Variants in LMBR1 observed in about 807,000 individuals in gnomAD.
The protein encoded by LMBR1 is limb region 1 protein homolog.
LMBR1 carries 52 observed loss-of-function variants against 73.9 expected under a neutral mutation model. The ratio of observed to expected loss-of-function variants is 0.70; its 90% CI spans 0.56 to 0.89. LMBR1 has a LOEUF of 0.89. Among genes scored for constraint, LMBR1 ranks in the 40% least tolerant of loss-of-function variants. The pLI, the probability that LMBR1 is intolerant of heterozygous loss-of-function variation, is 0.00. For missense variants in LMBR1, 539 were observed against 579.8 expected (o/e 0.93, Z 0.72); for synonymous variants, 215 against 209.4 (o/e 1.03, Z -0.23).
At chr7:156,703,631 A>G (rs1472315070) in intron 15 of LMBR1, among the ~76,000 whole-genome samples, 1 of 152,112 alleles carries the variant, frequency 6.6e-6, no homozygotes, top group Non-Finnish European at 1.5e-5. Flanking sequence ...CTAGGCTGAG[A>G]CCCTGGCATA....
intron 3 of LMBR1, among the ~76,000 whole-genome samples, chr7:156,831,847 C>G (rs1836755125): frequency 6.6e-6 from 1 of 152,212 alleles, no homozygotes; most frequent in South Asian, 2.1e-4. Context: ...CGATTTACCA[C>G]CACAGGTGGC....
rs530994765 is a variant in LMBR1, at chr7:156,843,673, C to T, written c.67-6788G>A. On this transcript the variant is annotated intron_variant, in intron 1 of 16. Transcript: ENST00000353442. ...CCAGCCTGGCCAACATGACGAAACC[C>T]GGAAACACAAAAATTAGCCAGGTGT... is the stretch of plus-strand genomic sequence containing the variant. 5.3e-5 allele frequency among the ~76,000 whole-genome samples: 8 copies of T among 151,424 alleles called. No individual in the cohort carries two copies. The South Asian group carries it at 8.4e-4, about 16-fold the overall frequency.
chr7:156,745,576 G>C (rs1386598418), intron 9 of LMBR1, among the ~76,000 whole-genome samples: 1 of 152,190 alleles, frequency 6.6e-6, no homozygotes, highest in Non-Finnish European at 1.5e-5. Context: ...CAAAGGGAGA[G>C]ACTGAAAGGA....
chr7:156,715,249 G>GCCACCACACA (rs1444669056), intron 15 of LMBR1, among the ~76,000 whole-genome samples: 2 of 151,866 alleles, frequency 1.3e-5, no homozygotes, highest in African/African-American at 4.8e-5. Flanking sequence ...ACCACACCCA[G>GCCACCACACA]CCAAAAAATA....
rs1376329544 is a variant in LMBR1 at position 156,697,740 on chromosome 7, C to G, written c.1226-9549G>C. Among the ~76,000 whole-genome samples, 6 of 152,100 alleles carry G rather than the reference C, an allele frequency of 3.9e-5. No homozygotes were observed. In the East Asian group the frequency reaches 1.2e-3, roughly 29 times the overall value. ...CCCTAAAAATCACTGTTATTCTATTCTTTTTCAAGGTGCACTGATTTCATA... is the reference window on the plus strand; with the variant it reads ...CCCTAAAAATCACTGTTATTCTATTGTTTTTCAAGGTGCACTGATTTCATA... On this transcript the variant is annotated intron_variant, in intron 15 of 16. Transcript: ENST00000353442.
intron 15 of LMBR1, among the ~76,000 whole-genome samples, chr7:156,717,315 G>C (rs2132271991): frequency 6.6e-6 from 1 of 152,292 alleles, no homozygotes; most frequent in African/African-American, 2.4e-5. Flanking sequence ...AGAAATGACA[G>C]GTTCTGTTTT....
At chr7:156,840,341 A>G (rs2133960866) in intron 1 of LMBR1, among the ~76,000 whole-genome samples, 1 of 152,246 alleles carries the variant, frequency 6.6e-6, no homozygotes, top group East Asian at 1.9e-4. Context: ...TCTCACTAAT[A>G]AGGTGACATC....
rs2131636895 is a variant in LMBR1 at position 156,670,528 on chromosome 7, A to G, written n.867-1241T>C. Reference sequence around the variant, plus strand: ...GATCTGAAGAAGATACAAGCCACAGATTTAAGAAGCCCAAGGAAGCCCAAT... The same window carrying G: ...GATCTGAAGAAGATACAAGCCACAGGTTTAAGAAGCCCAAGGAAGCCCAAT... On this transcript the variant is annotated intron_variant and non_coding_transcript_variant, in intron 4 of 4. Coordinates refer to the LMBR1 transcript ENST00000430825. The surrounding 1 kb of genome is among the most constrained non-coding windows in gnomAD (Gnocchi z 4.3). Among the ~76,000 whole-genome samples the G allele has an allele frequency of 6.6e-6, 1 of 152,366 alleles. No homozygotes were observed.
At chr7:156,799,818 C>T (rs1830636490) in intron 4 of LMBR1, among the ~76,000 whole-genome samples, 1 of 152,226 alleles carries the variant, frequency 6.6e-6, no homozygotes. Flanking sequence ...TAAAGTGCTA[C>T]TCCAGTGAAC....
chr7:156,676,332 G>A, downstream of LMBR1: 3 of 1,613,058 alleles, frequency 1.9e-6, no homozygotes, highest in Non-Finnish European at 8.5e-7. Flanking sequence ...CCATGTCTCG[G>A]GGCACATGGT....
intron 1 of LMBR1, among the ~76,000 whole-genome samples, chr7:156,848,805 C>T (rs907538294): frequency 2.6e-5 from 4 of 151,830 alleles, no homozygotes; most frequent in African/African-American, 7.3e-5. Flanking sequence ...GTGGCAGGAG[C>T]CTGTGGTCCC....
At chr7:156,740,822 G>A (rs1818744831) in intron 9 of LMBR1, among the ~76,000 whole-genome samples, 1 of 152,138 alleles carries the variant, frequency 6.6e-6, no homozygotes, top group African/African-American at 2.4e-5. Flanking sequence ...AAACTCACTG[G>A]TAATATAAGT....
chr7:156,675,044 C>A (rs1471345255), downstream of LMBR1, among the ~76,000 whole-genome samples: 1 of 152,166 alleles, frequency 6.6e-6, no homozygotes, highest in South Asian at 2.1e-4. Flanking sequence ...GAAAATTACA[C>A]GGATTTACTT....
At chr7:156,715,645 C>T (rs749234970) in intron 15 of LMBR1, among the ~76,000 whole-genome samples, 1 of 152,172 alleles carries the variant, frequency 6.6e-6, no homozygotes, top group African/African-American at 2.4e-5. Flanking sequence ...TCCCATTCCT[C>T]CTCACCCTAG....
At position 156,806,373 on chromosome 7, in the gene LMBR1, A is replaced by G. The variant is rs1038659298; in HGVS notation, c.320-9881T>C. ...ACTTACTGGTTCCAATAGCTTTTTT[A>G]TAACAGATCCCATCAGAATTTCCGC... On this transcript the variant is annotated intron_variant, in intron 4 of 16. Coordinates refer to ENST00000353442, the MANE Select transcript of LMBR1 (RefSeq NM_022458.4). Among the ~76,000 whole-genome samples, 50 of 152,080 alleles carry G rather than the reference A, an allele frequency of 3.3e-4. 1 individual carries two copies. The highest frequency in any genetic ancestry group is 5.3e-4 in the Non-Finnish European group (36 of 68,014).
chr7:156,875,910 A>C (rs1412819114), intron 1 of LMBR1, among the ~76,000 whole-genome samples: 3 of 141,066 alleles, frequency 2.1e-5, no homozygotes, highest in Non-Finnish European at 1.5e-5. Context: ...TACAATTAAA[A>C]AAAAAAAAAA....
intron 5 of LMBR1, among the ~76,000 whole-genome samples, chr7:156,777,310 T>A (rs559226661): frequency 6.6e-6 from 1 of 152,196 alleles, no homozygotes; most frequent in African/African-American, 2.4e-5. Flanking sequence ...CCAACTACAA[T>A]TGACTTTCCT....
At chr7:156,829,444 T>C (rs1373657108) in intron 3 of LMBR1, among the ~76,000 whole-genome samples, 10 of 152,170 alleles carry the variant, frequency 6.6e-5, no homozygotes, top group African/African-American at 2.4e-4. Context: ...GCTGGTTGTT[T>C]AAAGGAACCT....
At position 156,836,776 on chromosome 7, in the gene LMBR1, T is replaced by C. The variant is rs749869613; in HGVS notation, c.139+37A>G. The stretch of plus-strand genomic sequence containing the variant: ...TATACCATGCCTAGACCATGTGGCA[T>C]TCTAACAAAGGTTTTAATTGACATG... On this transcript the variant is annotated intron_variant, in intron 2 of 16. Transcript: ENST00000353442. The C allele has an allele frequency of 4.3e-5, 58 of 1,361,096 alleles. No homozygotes were observed. The Admixed American group carries it at 1.1e-3, about 26-fold the overall frequency. The allele number at this position is 1,361,096 out of a possible 1,614,324, so 84.3% of individuals were successfully genotyped here. A position where few individuals can be genotyped will look rare whatever the true frequency, so the allele number is the denominator to read the frequency against.
Sources: gnomAD v4.1 joint callset for allele counts (sites outside exome capture counted in the v4.1 genomes callset) on GRCh38, gnomAD v4.1.1 for gene constraint, Gnocchi (gnomAD v3.1) non-coding constraint, MANE v1.5 for transcripts, NCBI Gene and HGNC (gene_info 2026-07-23, HGNC 2026-07-21) for gene names.